ATP10B: variants seen among roughly 807,000 people sequenced by gnomAD.
ATP10B encodes the protein ATPase phospholipid transporting 10B (putative).
In ATP10B, 122 loss-of-function variants were observed where a neutral mutation model predicts 141.2. The ratio of observed to expected loss-of-function variants is 0.86; its 90% CI spans 0.75 to 1.00. The LOEUF (loss-of-function observed/expected upper bound fraction) is 1.00. Among genes scored for constraint, ATP10B ranks in the 50% least tolerant of loss-of-function variants. The pLI, the probability that ATP10B is intolerant of heterozygous loss-of-function variation, is 0.00. For synonymous variants in ATP10B, 685 were observed against 692.0 expected (o/e 0.99, Z 0.16); for missense variants, 1,876 against 1,825.3 (o/e 1.03, Z -0.51).
chr5:160,841,778 G>C (rs948644580), intron 1 of ATP10B, among the ~76,000 whole-genome samples: 1 of 152,096 alleles, frequency 6.6e-6, no homozygotes, highest in Non-Finnish European at 1.5e-5. Flanking sequence ...AGGCTGGAGT[G>C]CAGTGGCAAG....
intron 1 of ATP10B, among the ~76,000 whole-genome samples, chr5:160,826,165 G>T (rs1197818937): frequency 6.6e-6 from 1 of 152,030 alleles, no homozygotes; most frequent in East Asian, 1.9e-4. Flanking sequence ...TTTCCTTTGG[G>T]TATATACTCA....
At chr5:160,604,087 C>T in intron 19 of ATP10B, 46 bp from the exon 20 acceptor site, 2 of 1,438,804 alleles carry the variant, frequency 1.4e-6, no homozygotes, top group Non-Finnish European at 2.0e-6. Context: ...TCCAACTGCT[C>T]AGTGACAATG....
intron 21 of ATP10B, among the ~76,000 whole-genome samples, 180 bp downstream of exon 21, chr5:160,602,397 G>C (rs1323729243): frequency 6.6e-6 from 1 of 152,224 alleles, no homozygotes; most frequent in East Asian, 1.9e-4. Flanking sequence ...CACAAAAATA[G>C]AAAGTGAAGA....
At chr5:160,767,637 C>CCCCACCT (rs775904519) in intron 2 of ATP10B, among the ~76,000 whole-genome samples, 1 of 102,036 alleles carries the variant, frequency 9.8e-6, no homozygotes, top group African/African-American at 3.6e-5. Flanking sequence ...TGTGCAGAAC[C>CCCCACCT]CCCCCCCCCA....
At chr5:160,786,214 T>C (rs1771135714) in intron 1 of ATP10B, among the ~76,000 whole-genome samples, 1 of 152,206 alleles carries the variant, frequency 6.6e-6, no homozygotes, top group Non-Finnish European at 1.5e-5. Context: ...CTCTTTCTAC[T>C]GTATTTGCAA....
chr5:160,784,951 T>C (rs1161136712), intron 2 of ATP10B, among the ~76,000 whole-genome samples: 2 of 152,044 alleles, frequency 1.3e-5, no homozygotes, highest in African/African-American at 4.8e-5. Context: ...GGAATGTGAG[T>C]CCCATTCTTA....
chr5:160,890,990 T>C, the ATP10B span, among the ~76,000 whole-genome samples: 3 of 130,668 alleles, frequency 2.3e-5, no homozygotes, highest in Admixed American at 1.5e-4. Context: ...TTTGTTTACG[T>C]GTATGTGTGT....
chr5:160,786,177 A>G (rs1771133071), intron 1 of ATP10B, among the ~76,000 whole-genome samples: 1 of 152,070 alleles, frequency 6.6e-6, no homozygotes, highest in African/African-American at 2.4e-5. Flanking sequence ...CAGTTCTGAA[A>G]CTTGTGTTGA....
chr5:160,918,375 C>T, the ATP10B span, among the ~76,000 whole-genome samples: 1 of 152,136 alleles, frequency 6.6e-6, no homozygotes, highest in Non-Finnish European at 1.5e-5. Flanking sequence ...GGGAAGGCTT[C>T]CGTGTGGCAA....
At chr5:160,680,780 C>G (rs1763340446) in intron 6 of ATP10B, among the ~76,000 whole-genome samples, 1 of 152,220 alleles carries the variant, frequency 6.6e-6, no homozygotes, top group African/African-American at 2.4e-5. Flanking sequence ...CTAGTTAGTA[C>G]AATCCCATCT....
chr5:160,679,569 C>A (rs968796643), intron 6 of ATP10B, among the ~76,000 whole-genome samples: 1 of 152,246 alleles, frequency 6.6e-6, no homozygotes, highest in East Asian at 1.9e-4. Context: ...ACCACATCCT[C>A]TGCACTTCTG....
At chr5:160,828,632 T>C (rs1023217318) in intron 1 of ATP10B, among the ~76,000 whole-genome samples, 21 of 151,628 alleles carry the variant, frequency 1.4e-4, no homozygotes, top group Admixed American at 2.6e-4. Flanking sequence ...GTTCAACCAT[T>C]GTGGAAGTCA....
At chr5:160,803,987 C>T (rs888555010) in intron 1 of ATP10B, among the ~76,000 whole-genome samples, 1 of 151,964 alleles carries the variant, frequency 6.6e-6, no homozygotes, top group Non-Finnish European at 1.5e-5. Context: ...AAATTTCTGA[C>T]TCCAGTTCCT....
chr5:160,871,833 T>C, the ATP10B span, among the ~76,000 whole-genome samples: 2 of 152,178 alleles, frequency 1.3e-5, no homozygotes, highest in Non-Finnish European at 2.9e-5. Context: ...TAAATGTGTG[T>C]GCGTTTTTTT....
intron 1 of ATP10B, among the ~76,000 whole-genome samples, chr5:160,795,597 G>A (rs572540101): frequency 6.6e-6 from 1 of 151,748 alleles, no homozygotes; most frequent in Non-Finnish European, 1.5e-5. Flanking sequence ...TTGGGAAAAG[G>A]GTCTTTGCAG....
chr5:160,918,337 G>A, the ATP10B span, among the ~76,000 whole-genome samples: 7 of 152,196 alleles, frequency 4.6e-5, no homozygotes, highest in Non-Finnish European at 1.0e-4. Context: ...ATAAACAGGG[G>A]GCTTGATTGA....
intron 2 of ATP10B, among the ~76,000 whole-genome samples, chr5:160,722,834 G>T (rs1766079533): frequency 6.6e-6 from 1 of 152,196 alleles, no homozygotes; most frequent in Admixed American, 6.5e-5. Flanking sequence ...AGCCAGCCCA[G>T]AGATGAGCAA....
intron 1 of ATP10B, among the ~76,000 whole-genome samples, chr5:160,829,021 C>T (rs571568220): frequency 1.6e-5 from 2 of 125,444 alleles, no homozygotes; most frequent in African/African-American, 3.1e-5. Context: ...AACACATGGA[C>T]ACAGGAAGGG....
intron 22 of ATP10B, among the ~76,000 whole-genome samples, chr5:160,598,398 G>GC (rs1176524228): frequency 2.6e-5 from 4 of 151,936 alleles, no homozygotes; most frequent in Admixed American, 2.6e-4. Flanking sequence ...GGGGTGGGGG[G>GC]AGCAGGGAGG....
Sources: allele counts gnomAD v4.1 joint callset (sites outside exome capture counted in the v4.1 genomes callset), GRCh38; gene constraint gnomAD v4.1.1; transcripts MANE v1.5; gene names NCBI Gene and HGNC (gene_info 2026-07-23, HGNC 2026-07-21).